The following CTNNA2 variants were observed in gnomAD, a reference collection of about 807,000 sequenced individuals.
CTNNA2 encodes the protein catenin alpha 2.
Under a neutral mutation model 101.0 loss-of-function variants are expected in CTNNA2, and 42 were observed. The observed-to-expected ratio is 0.42, with a 90% confidence interval of 0.32 to 0.54. The LOEUF is 0.54. Ranked by LOEUF, CTNNA2 falls within the 20% of genes least tolerant of loss-of-function variation. The pLI is 0.14. For missense variants in CTNNA2, 871 were observed against 1,223.1 expected, an observed-to-expected ratio of 0.71 and a Z score of 4.29; for synonymous variants, 450 against 456.4, an observed-to-expected ratio of 0.99 and a Z score of 0.18.
At chr2:80,346,931 T>C (rs1672788645) in intron 7 of CTNNA2, among the ~76,000 whole-genome samples, 1 of 152,222 alleles carries the variant, frequency 6.6e-6, no homozygotes, top group African/African-American at 2.4e-5. Context: ...TCAGCACTTC[T>C]TAAGGAAAAT....
chr2:79,446,896 CT>C (rs1678839214), intron 4 of CTNNA2, among the ~76,000 whole-genome samples: 1 of 151,928 alleles, frequency 6.6e-6, no homozygotes, highest in African/African-American at 2.4e-5. Context: ...CCTTTTTTAG[CT>C]ACTGTTTAAT....
At chr2:80,055,159 T>C (rs534270657) in intron 7 of CTNNA2, among the ~76,000 whole-genome samples, 37 of 152,182 alleles carry the variant, frequency 2.4e-4, no homozygotes, top group African/African-American at 8.2e-4. Context: ...CTCAAATAGC[T>C]GCGACTACAG....
chr2:79,582,597 C>G (rs1676215240), intron 1 of CTNNA2, among the ~76,000 whole-genome samples: 1 of 152,072 alleles, frequency 6.6e-6, no homozygotes, highest in Admixed American at 6.6e-5. Context: ...GTGTCTAATG[C>G]TCAAACCACA....
intron 7 of CTNNA2, among the ~76,000 whole-genome samples, chr2:80,184,466 G>A (rs1705982995): frequency 6.6e-6 from 1 of 152,116 alleles, no homozygotes; most frequent in African/African-American, 2.4e-5. Context: ...TATAGTGGCA[G>A]AATAGTTTTG....
intron 7 of CTNNA2, among the ~76,000 whole-genome samples, chr2:80,178,074 C>G (rs1216563570): frequency 6.6e-6 from 1 of 152,188 alleles, no homozygotes; most frequent in African/African-American, 2.4e-5. Flanking sequence ...CCTCTGTCAA[C>G]TGATCATAGG....
chr2:80,005,694 G>A (rs763309456), intron 7 of CTNNA2, among the ~76,000 whole-genome samples: 10 of 151,864 alleles, frequency 6.6e-5, no homozygotes, highest in Non-Finnish European at 1.5e-4. Context: ...TAATAGGTCA[G>A]CTGCATGCTC....
rs75693747 is a variant in CTNNA2 at position 79,869,007 on chromosome 2, G to A, written c.466-809G>A. Among the ~76,000 whole-genome samples, 500 of 152,302 alleles carry A rather than the reference G, an allele frequency of 3.3e-3. 1 individual carries two copies. The highest frequency in any genetic ancestry group is 0.011 in the African/African-American group (450 of 41,578). On this transcript the variant is annotated intron_variant, in intron 4 of 18. Transcript: ENST00000402739. ...ATAACTTAAAGGTTTACCAATTGTG[G>A]AAATTTTCATACCATATTGAAGTTA...
chr2:79,815,599 A>G (rs1000926744), intron 3 of CTNNA2, among the ~76,000 whole-genome samples: 3 of 152,114 alleles, frequency 2.0e-5, no homozygotes, highest in South Asian at 4.1e-4. Flanking sequence ...TGGGTTCTCT[A>G]TTCTGTTCCA....
At chr2:80,472,827 A>C (rs1685415380) in intron 9 of CTNNA2, among the ~76,000 whole-genome samples, 1 of 152,138 alleles carries the variant, frequency 6.6e-6, no homozygotes. Context: ...CCCGTAGAAC[A>C]GGGAGGGTAT....
At chr2:79,791,716 T>C (rs1675286499) in intron 3 of CTNNA2, among the ~76,000 whole-genome samples, 2 of 152,118 alleles carry the variant, frequency 1.3e-5, no homozygotes, top group Admixed American at 1.3e-4. Flanking sequence ...GACTGGGTGT[T>C]CCACAAAGAC....
intron 1 of CTNNA2, among the ~76,000 whole-genome samples, chr2:79,640,616 A>C (rs933794236): frequency 6.6e-6 from 1 of 152,172 alleles, no homozygotes; most frequent in African/African-American, 2.4e-5. Context: ...TATGTCTAAG[A>C]ATATGTCTAA....
intron 9 of CTNNA2, among the ~76,000 whole-genome samples, chr2:80,475,545 CA>C (rs1685662167): frequency 1.3e-5 from 2 of 152,074 alleles, no homozygotes; most frequent in African/African-American, 4.8e-5. Context: ...CTTGTGTGGG[CA>C]TCAGGAAATC....
At chr2:79,216,871 C>G (rs764164909) in intron 2 of CTNNA2, among the ~76,000 whole-genome samples, 1 of 152,058 alleles carries the variant, frequency 6.6e-6, no homozygotes, top group East Asian at 1.9e-4. Flanking sequence ...GGTGAAGGAC[C>G]AAGGCAGGCA....
intron 3 of CTNNA2, among the ~76,000 whole-genome samples, chr2:79,325,431 T>C (rs1558626976): frequency 6.6e-6 from 1 of 152,198 alleles, no homozygotes; most frequent in Non-Finnish European, 1.5e-5. Flanking sequence ...ATTGTTTTCT[T>C]CAAATAGCAT....
At chr2:79,939,496 T>C (rs1688003163) in intron 7 of CTNNA2, among the ~76,000 whole-genome samples, 1 of 152,214 alleles carries the variant, frequency 6.6e-6, no homozygotes, top group Non-Finnish European at 1.5e-5. Context: ...TAGAGATCTT[T>C]TGTTAAAAAA....
At chr2:79,722,946 AC>A (rs1686582921) in intron 2 of CTNNA2, among the ~76,000 whole-genome samples, 2 of 152,228 alleles carry the variant, frequency 1.3e-5, no homozygotes, top group Non-Finnish European at 2.9e-5. Flanking sequence ...ACAAAAGTGA[AC>A]CACCTTTTTA....
chr2:79,627,148 A>G (rs548599323), intron 1 of CTNNA2, among the ~76,000 whole-genome samples: 120 of 152,306 alleles, frequency 7.9e-4, no homozygotes, highest in South Asian at 1.4e-3. Flanking sequence ...CCACCCAAAC[A>G]TGAAGGCAAG....
intron 7 of CTNNA2, among the ~76,000 whole-genome samples, chr2:80,350,609 C>T (rs140748836): frequency 7.7e-4 from 117 of 152,218 alleles, no homozygotes; most frequent in Non-Finnish European, 1.4e-3. Context: ...AGAGTCCATA[C>T]CTTGTAGTAA....
Position 80,302,817 on chromosome 2 carries a change from G to T in CTNNA2, c.1057-90394G>T, listed in dbSNP as rs368510654. 1 of 1,613,954 alleles carries T rather than the reference G, an allele frequency of 6.2e-7. No individual in the cohort carries two copies. Among genetic ancestry groups the T allele is most frequent in the Non-Finnish European group, 8.5e-7 (1 of 1,180,010 alleles). On this transcript the variant is annotated intron_variant, in intron 7 of 18. Transcript: ENST00000402739. The surrounding 1 kb of genome is among the most constrained non-coding windows in gnomAD (Gnocchi z 6.4). ...GCGCACTGCAAGTTGCCATCGTAGC[G>T]CCCCTGGAAGTTGTTGAGCCACGAG...
Sources: allele counts gnomAD v4.1 joint callset (sites outside exome capture counted in the v4.1 genomes callset), GRCh38; gene constraint gnomAD v4.1.1; non-coding constraint Gnocchi (gnomAD v3.1); transcripts MANE v1.5; gene names NCBI Gene and HGNC (gene_info 2026-07-23, HGNC 2026-07-21).